Variants in INTS9 observed in about 807,000 individuals in gnomAD.
The protein encoded by INTS9 is protein related to CPSF subunits of 74 kDa.
A neutral mutation model predicts 79.7 loss-of-function variants in INTS9; 55 were observed. The observed-to-expected ratio is 0.69, with a 90% CI of 0.56 to 0.86. INTS9 has a LOEUF of 0.86. Ranked by LOEUF, INTS9 falls within the 40% of genes least tolerant of loss-of-function variation. INTS9 has a pLI of 0.00. For synonymous variants in INTS9, 319 were observed against 325.2 expected, an observed-to-expected ratio of 0.98 and a Z score of 0.20; for missense variants, 721 against 831.5, an observed-to-expected ratio of 0.87 and a Z score of 1.64.
chr8:28,802,179 A>C (rs1319198909), intron 8 of INTS9, among the ~76,000 whole-genome samples: 3 of 152,180 alleles, frequency 2.0e-5, no homozygotes, highest in Non-Finnish European at 1.5e-5. Context: ...TATTTCCAAA[A>C]TTCTAAGCCA....
At chr8:28,768,826 CAT>C (rs1228680073) in intron 16 of INTS9, among the ~76,000 whole-genome samples, 6 of 152,210 alleles carry the variant, frequency 3.9e-5, no homozygotes, top group African/African-American at 1.4e-4. Flanking sequence ...GGAAAGGAGG[CAT>C]GTGCCTGAAA....
intron 9 of INTS9, 93 bp downstream of exon 9, chr8:28,796,451 C>T (rs1170016962): frequency 1.4e-6 from 1 of 721,600 alleles, no homozygotes. Flanking sequence ...CCTGTAAGCA[C>T]TCCTTCCCCC....
chr8:28,846,493 G>A (rs1163458281), intron 4 of INTS9, among the ~76,000 whole-genome samples: 1 of 152,160 alleles, frequency 6.6e-6, no homozygotes, highest in Non-Finnish European at 1.5e-5. Flanking sequence ...TCAAAACTAT[G>A]CCCTACTAGG....
rs1563289706 is a variant in INTS9, at chr8:28,840,990, A to AGATCTGCT, written c.262-3215_262-3214insAGCAGATC. ...AAAAAAGAAAGAAAGATGATGTGAC[A>AGATCTGCT]TAAGCAGATGAAGAGAGGGAGGGTG... On this transcript the variant is annotated intron_variant, in intron 4 of 16. Transcript: ENST00000521022. Among the ~76,000 whole-genome samples, 837 of 152,156 alleles carry AGATCTGCT rather than the reference A, an allele frequency of 5.5e-3. 9 individuals are homozygous for AGATCTGCT. Among genetic ancestry groups the AGATCTGCT allele is most frequent in the African/African-American group, 0.019 (801 of 41,508 alleles).
chr8:28,832,011 T>C (rs1806518587), intron 6 of INTS9, among the ~76,000 whole-genome samples: 1 of 152,054 alleles, frequency 6.6e-6, no homozygotes, highest in Non-Finnish European at 1.5e-5. Flanking sequence ...GGCCAAGAAA[T>C]ACTGACTTTA....
At position 28,835,316 on chromosome 8, in the gene INTS9, A is replaced by G; in HGVS notation, c.464T>C (p.Leu155Ser). 6.2e-7 allele frequency: 1 copy of G among 1,613,752 alleles called. No individual in the cohort carries two copies. Among genetic ancestry groups the G allele is most frequent in the Non-Finnish European group, 8.5e-7 (1 of 1,179,720 alleles). Residue 155 changes from leucine to serine, a missense_variant, in exon 6 of 17, where the codon TTG (leucine) becomes TCG (serine). By Grantham distance (145) the Leu-to-Ser change is moderately radical. Coordinates refer to ENST00000521022, the MANE Select transcript of INTS9 (RefSeq NM_018250.4). ...CCTCTGAATGTCCTTATTCTTCCAC[A>G]AGGAGGCAGACTGAGCCTTTGGCAC... is the stretch of plus-strand genomic sequence containing the variant. ...ERVPKAQSAS[L>S]WKNKDIQRLL...
chr8:28,827,392 G>A (rs1806213835), intron 6 of INTS9, among the ~76,000 whole-genome samples: 1 of 152,200 alleles, frequency 6.6e-6, no homozygotes, highest in African/African-American at 2.4e-5. Context: ...AGTCCAGAAG[G>A]ACCACTTGGA....
At position 28,817,805 on chromosome 8, in the gene INTS9, T is replaced by C. The variant is rs571631639; in HGVS notation, c.489-4193A>G. Reference sequence around the variant, plus strand: ...CCCATGAGCATGGAATGTTCTTCCATTTGTTTGTACCCTCTTTTATTTCAT... The same window carrying C: ...CCCATGAGCATGGAATGTTCTTCCACTTGTTTGTACCCTCTTTTATTTCAT... On this transcript the variant is annotated intron_variant, in intron 6 of 16. Coordinates refer to ENST00000521022, the MANE Select transcript of INTS9 (RefSeq NM_018250.4). Among the ~76,000 whole-genome samples the C allele has an allele frequency of 3.1e-3, 464 of 147,920 alleles. 6 individuals are homozygous for C. Among genetic ancestry groups the C allele is most frequent in the African/African-American group, 0.011 (423 of 39,606 alleles).
intron 12 of INTS9, chr8:28,780,489 T>C: frequency 1.0e-6 from 1 of 985,382 alleles, no homozygotes; most frequent in Non-Finnish European, 1.2e-6. Context: ...TCTACCTCTG[T>C]AAACAATTCC....
intron 1 of INTS9, among the ~76,000 whole-genome samples, chr8:28,860,472 C>G (rs1011703156): frequency 2.0e-5 from 3 of 151,774 alleles, no homozygotes; most frequent in Non-Finnish European, 4.4e-5. Context: ...AGTCCATTCT[C>G]TCCTTTTTTT....
intron 10 of INTS9, among the ~76,000 whole-genome samples, chr8:28,791,345 C>G (rs1382192665): frequency 1.3e-5 from 2 of 152,118 alleles, no homozygotes; most frequent in Non-Finnish European, 2.9e-5. Flanking sequence ...CCCTGCCACT[C>G]CCCACCCTGA....
At chr8:28,828,439 A>G (rs1396906784) in intron 6 of INTS9, among the ~76,000 whole-genome samples, 1 of 152,218 alleles carries the variant, frequency 6.6e-6, no homozygotes, top group Non-Finnish European at 1.5e-5. Flanking sequence ...ACTTAATCAT[A>G]CCACTCATTT....
At chr8:28,867,619 A>G (rs1808832447) in intron 1 of INTS9, among the ~76,000 whole-genome samples, 1 of 151,768 alleles carries the variant, frequency 6.6e-6, no homozygotes, top group African/African-American at 2.4e-5. Context: ...AGTATGAAAT[A>G]CTGTGAACTT....
intron 1 of INTS9, among the ~76,000 whole-genome samples, chr8:28,863,594 G>A (rs573992472): frequency 5.9e-5 from 9 of 152,214 alleles, no homozygotes; most frequent in East Asian, 1.9e-4. Context: ...TGACCAATAC[G>A]GTGAAACCTT....
At chr8:28,821,605 C>T (rs1450689544) in intron 6 of INTS9, among the ~76,000 whole-genome samples, 1 of 152,126 alleles carries the variant, frequency 6.6e-6, no homozygotes, top group African/African-American at 2.4e-5. Context: ...TGGGTTGAAA[C>T]CATGCAGTAT....
At chr8:28,874,344 C>T (rs909326992) in intron 1 of INTS9, among the ~76,000 whole-genome samples, 2 of 151,284 alleles carry the variant, frequency 1.3e-5, no homozygotes, top group Admixed American at 6.6e-5. Context: ...AGCTGGAGTG[C>T]AGTGGCGTGA....
chr8:28,776,189 A>G (rs182644696), intron 13 of INTS9: 3 of 356,034 alleles, frequency 8.4e-6, no homozygotes, highest in Non-Finnish European at 1.5e-5. Context: ...TTTCACGGTA[A>G]CTTCCATGTG....
intron 1 of INTS9, among the ~76,000 whole-genome samples, chr8:28,880,249 CCTCTCCCTCTCCCTCTCCCTCTCCCTCT>C (rs1809634899): frequency 7.0e-6 from 1 of 142,194 alleles, no homozygotes; most frequent in African/African-American, 2.7e-5. Flanking sequence ...TCTCCCTCTC[CCTCTCCCTCTCCCTCTCCCTCTCCCTCT>C]CTCTCCCTCC....
chr8:28,882,199 G>A (rs1444896593), intron 1 of INTS9, among the ~76,000 whole-genome samples: 1 of 139,480 alleles, frequency 7.2e-6, no homozygotes, highest in African/African-American at 2.7e-5. Flanking sequence ...TCCACTCAGG[G>A]TTAAATGGAT....
Sources: gnomAD v4.1 joint callset for allele counts (sites outside exome capture counted in the v4.1 genomes callset) on GRCh38, gnomAD v4.1.1 for gene constraint, MANE v1.5 for transcripts, NCBI Gene and HGNC (gene_info 2026-07-23, HGNC 2026-07-21) for gene names.